SLC4A8: variants seen among roughly 807,000 people sequenced by gnomAD.
SLC4A8 encodes the protein electroneutral sodium bicarbonate exchanger 1.
In SLC4A8, 40 loss-of-function variants were observed where a neutral mutation model predicts 125.0. The ratio of observed to expected loss-of-function variants is 0.32; its 90% CI spans 0.25 to 0.42. The LOEUF (loss-of-function observed/expected upper bound fraction) is 0.42, where lower values mean the gene tolerates loss of function less well. Ranked by LOEUF, SLC4A8 falls within the 10% of genes least tolerant of loss-of-function variation. SLC4A8 has a pLI of 1.00. For synonymous variants in SLC4A8, 456 were observed against 476.0 expected, an observed-to-expected ratio of 0.96 and a Z score of 0.55; for missense variants, 863 against 1,355.1, an observed-to-expected ratio of 0.64 and a Z score of 5.70.
chr12:51,504,285 G>C (rs1938071246), intron 23 of SLC4A8, among the ~76,000 whole-genome samples, 165 bp downstream of exon 23: 1 of 152,166 alleles, frequency 6.6e-6, no homozygotes, highest in African/African-American at 2.4e-5. Flanking sequence ...ATTGTTTATT[G>C]AATACCTGCT....
rs111608773 is a variant in SLC4A8 at position 51,502,537 on chromosome 12, C to CTT, written c.3082-1482_3082-1481dup. On this transcript the variant is annotated intron_variant, in intron 22 of 24. Coordinates refer to ENST00000453097, the MANE Select transcript of SLC4A8 (RefSeq NM_001039960.3). ...AGGCATGAGCCACTGTGCCTGACCT[C>CTT]TTTTTTTTTTTGAGATGGAGTCTCG... 1.6e-3 allele frequency among the ~76,000 whole-genome samples: 240 copies of CTT among 146,370 alleles called. 1 individual carries two copies. Among genetic ancestry groups the CTT allele is most frequent in the African/African-American group, 4.9e-3 (194 of 39,912 alleles).
chr12:51,474,638 C>A, intron 15 of SLC4A8, 191 bp downstream of exon 15: 1 of 1,039,732 alleles, frequency 9.6e-7, no homozygotes, highest in Non-Finnish European at 1.3e-6. Flanking sequence ...GAGAAGATTA[C>A]CCTTCTCTTT....
chr12:51,514,964 A>C lies in SLC4A8; in HGVS notation c.*7526A>C, dbSNP rs1250172952. 6.6e-6 allele frequency: 1 copy of C among 152,196 alleles called. No homozygotes were observed. The highest frequency in any genetic ancestry group is 1.9e-4 in the East Asian group (1 of 5,200). The allele number at this position is 152,196 out of a possible 1,614,324, so 9.4% of individuals were successfully genotyped here. On this transcript the variant is annotated 3_prime_UTR_variant, in exon 25 of 25. Transcript: ENST00000453097. ...CTCAAAGGGAAGGGAATGGTTTCTG[A>C]TCCTTCTGAAGAGAAAAGGAATAGC...
Position 51,457,409 on chromosome 12 carries a change from A to C in SLC4A8, c.633A>C (p.Lys211Asn). The C allele has an allele frequency of 6.2e-7, 1 of 1,614,094 alleles. No individual in the cohort carries two copies. Among genetic ancestry groups the C allele is most frequent in the Non-Finnish European group, 8.5e-7 (1 of 1,179,940 alleles). Residue 211 changes from lysine (K) to asparagine (N), a missense_variant, in exon 6 of 25, where the codon AAA (lysine) becomes AAC (asparagine). Lys to Asn is a moderately conservative substitution (Grantham distance 94). This residue lies in a region of SLC4A8 where 390 missense variants were observed against 634.4 expected (regional missense o/e 0.61). Coordinates refer to ENST00000453097, the MANE Select transcript of SLC4A8 (RefSeq NM_001039960.3). Reference sequence around the variant, plus strand: ...ACCTGAATGACAGCATGAGGGTTAAAGTGCGGGAAGCCCTTCTCAAAAAGC... The same window carrying C: ...ACCTGAATGACAGCATGAGGGTTAACGTGCGGGAAGCCCTTCTCAAAAAGC... ...SSDLNDSMRV[K>N]VREALLKKHH...
At chr12:51,465,478 G>T (rs1044336135) in intron 11 of SLC4A8, among the ~76,000 whole-genome samples, 5 of 152,120 alleles carry the variant, frequency 3.3e-5, no homozygotes, top group Admixed American at 2.0e-4. Context: ...CTTGGTAATG[G>T]TGTCTGATGT....
rs768019623 is a variant in SLC4A8, at chr12:51,489,790, A to G, written c.2539A>G (p.Thr847Ala). 6.2e-7 allele frequency: 1 copy of G among 1,614,184 alleles called. No homozygotes were observed. Reference sequence around the variant, plus strand: ...GGGCCTGCCCTGGTTTGTAGCTGCAACTGTCTTGTCCATCACACATGTGAA... The same window carrying G: ...GGGCCTGCCCTGGTTTGTAGCTGCAGCTGTCTTGTCCATCACACATGTGAA... Reference protein sequence around the residue: ...IMGLPWFVAATVLSITHVNSL... With the variant: ...IMGLPWFVAAAVLSITHVNSL... The change falls in exon 19 of 25, where the codon ACT (threonine) becomes GCT (alanine). Residue 847 changes from threonine (T) to alanine (A), a missense_variant. Around this residue, in one of 6 missense-constraint regions of SLC4A8, gnomAD observed 197 missense variants for 377.7 expected, o/e 0.52. Coordinates refer to ENST00000453097, the MANE Select transcript of SLC4A8 (RefSeq NM_001039960.3).
intron 5 of SLC4A8, 58 bp from the exon 6 acceptor site, chr12:51,457,293 G>A: frequency 6.7e-7 from 1 of 1,485,268 alleles, no homozygotes; most frequent in Non-Finnish European, 9.3e-7. Context: ...CCTGATGTTG[G>A]CCTTCTTGGG....
intron 7 of SLC4A8, among the ~76,000 whole-genome samples, chr12:51,459,244 G>T (rs1171246298): frequency 6.6e-6 from 1 of 152,132 alleles, no homozygotes; most frequent in Non-Finnish European, 1.5e-5. Flanking sequence ...ATTTTATTTG[G>T]AAAACCTGAA....
intron 16 of SLC4A8, among the ~76,000 whole-genome samples, chr12:51,476,605 A>G (rs1302874301): frequency 6.6e-6 from 1 of 152,128 alleles, no homozygotes; most frequent in Non-Finnish European, 1.5e-5. Context: ...GTTTAAGGAG[A>G]AGATAATATA....
intron 11 of SLC4A8, among the ~76,000 whole-genome samples, chr12:51,464,865 A>G (rs942188933): frequency 1.3e-5 from 2 of 152,210 alleles, no homozygotes; most frequent in Non-Finnish European, 2.9e-5. Context: ...GAGGAGACAG[A>G]AACAGGAGAG....
At chr12:51,496,065 C>A (rs1333423502) in intron 21 of SLC4A8, among the ~76,000 whole-genome samples, 1 of 152,060 alleles carries the variant, frequency 6.6e-6, no homozygotes, top group Non-Finnish European at 1.5e-5. Flanking sequence ...AGATCCACAC[C>A]CTCCTGGTGG....
At chr12:51,490,562 C>CAAAAAA (rs767679317) in intron 19 of SLC4A8, among the ~76,000 whole-genome samples, 1 of 37,566 alleles carries the variant, frequency 2.7e-5, no homozygotes, top group African/African-American at 1.1e-4. Context: ...GACTCCATCT[C>CAAAAAA]AAAAAAAAAA....
chr12:51,483,046 T>C (rs2138370731), intron 16 of SLC4A8, among the ~76,000 whole-genome samples: 1 of 152,300 alleles, frequency 6.6e-6, no homozygotes, highest in African/African-American at 2.4e-5. Flanking sequence ...ATCATTCTTT[T>C]GTGGTTCCCC....
intron 1 of SLC4A8, among the ~76,000 whole-genome samples, chr12:51,400,759 TATATATATATATATATATACATACATAC>T (rs1356998037): frequency 0.011 from 73 of 6,484 alleles, 12 homozygotes; most frequent in East Asian, 0.047. Context: ...TATATATATA[TATATATATATATATATATACATACATAC>T]ACACACACAC....
chr12:51,400,445 C>G (rs1302165291), intron 1 of SLC4A8, among the ~76,000 whole-genome samples: 1 of 151,850 alleles, frequency 6.6e-6, no homozygotes, highest in Non-Finnish European at 1.5e-5. Flanking sequence ...TTGGGACCCA[C>G]TGCCAGGCAG....
At chr12:51,459,023 G>T (rs936174412) in intron 7 of SLC4A8, among the ~76,000 whole-genome samples, 8 of 152,190 alleles carry the variant, frequency 5.3e-5, no homozygotes, top group African/African-American at 1.9e-4. Context: ...AGAGACAGAT[G>T]TCTCCTAAAA....
At chr12:51,462,901 A>AAG (rs1950380125) in intron 10 of SLC4A8, 1 of 152,550 alleles carries the variant, frequency 6.6e-6, no homozygotes, top group African/African-American at 2.4e-5. Flanking sequence ...TCAAAAAAAA[A>AAG]AAAAAAAAGA....
intron 1 of SLC4A8, among the ~76,000 whole-genome samples, chr12:51,393,248 T>C (rs989674560): frequency 6.6e-6 from 1 of 152,080 alleles, no homozygotes; most frequent in Admixed American, 6.5e-5. Flanking sequence ...CACAGATGCA[T>C]GCCACCATGC....
At position 51,459,957 on chromosome 12, in the gene SLC4A8, C is replaced by T. The variant is rs990447; in HGVS notation, c.862C>T (p.Leu288Phe). The stretch of plus-strand genomic sequence containing the variant: ...GTTTCTTTTGGACTTTCAGGTAGAC[C>T]TTCATTTCATGAAAAAAATTCCTAC... ...HSPVDLSKVD[L>F]HFMKKIPTGA... Residue 288 changes from leucine to phenylalanine, a missense_variant, in exon 8 of 25, where the codon CTT (leucine) becomes TTT (phenylalanine). This residue lies in a region of SLC4A8 where 390 missense variants were observed against 634.4 expected (regional missense o/e 0.61). Transcript: ENST00000453097. The T allele has an allele frequency of 6.2e-7, 1 of 1,613,202 alleles. No individual in the cohort carries two copies. Among genetic ancestry groups the T allele is most frequent in the Non-Finnish European group, 8.5e-7 (1 of 1,179,552 alleles).
Sources: allele counts gnomAD v4.1 joint callset (sites outside exome capture counted in the v4.1 genomes callset), GRCh38; gene constraint gnomAD v4.1.1; regional missense constraint gnomAD v4.1.1; transcripts MANE v1.5; gene names NCBI Gene and HGNC (gene_info 2026-07-23, HGNC 2026-07-21).